SLX4IP: variants seen among roughly 807,000 people sequenced by gnomAD.
SLX4IP encodes protein SLX4IP.
A neutral mutation model predicts 32.9 loss-of-function variants in SLX4IP; 34 were observed. That is an observed-to-expected ratio of 1.03 (90% CI 0.79 to 1.38). SLX4IP has a LOEUF of 1.38. Ranked by LOEUF, SLX4IP falls within the 40% of genes most tolerant of loss-of-function variation. SLX4IP has a pLI of 0.00. For missense variants in SLX4IP, 444 were observed against 479.0 expected (o/e 0.93, Z 0.68); for synonymous variants, 172 against 171.7 (o/e 1.00, Z -0.01).
intron 2 of SLX4IP, among the ~76,000 whole-genome samples, chr20:10,498,988 T>C (rs1600932786): frequency 6.6e-6 from 1 of 152,280 alleles, no homozygotes; most frequent in Non-Finnish European, 1.5e-5. Context: ...AACTAAAATA[T>C]GTATATTTAC....
chr20:10,555,231 G>T (rs775020279), intron 2 of SLX4IP, among the ~76,000 whole-genome samples: 3 of 151,462 alleles, frequency 2.0e-5, no homozygotes, highest in Non-Finnish European at 2.9e-5. Flanking sequence ...AGCCAAGGAA[G>T]TGAAAAAACT....
At chr20:10,457,618 T>C (rs1396245416) in intron 1 of SLX4IP, among the ~76,000 whole-genome samples, 2 of 152,246 alleles carry the variant, frequency 1.3e-5, no homozygotes, top group East Asian at 3.9e-4. Flanking sequence ...TCTAGTATTT[T>C]GTTGAGAATT....
At chr20:10,512,554 C>T (rs958144645) in intron 2 of SLX4IP, among the ~76,000 whole-genome samples, 3 of 146,632 alleles carry the variant, frequency 2.0e-5, no homozygotes, top group Non-Finnish European at 4.5e-5. Context: ...CCCACCATCC[C>T]TGTCTAATTT....
chr20:10,487,718 G>A (rs771223596), intron 2 of SLX4IP, among the ~76,000 whole-genome samples: 1 of 152,156 alleles, frequency 6.6e-6, no homozygotes, highest in Non-Finnish European at 1.5e-5. Context: ...TGAGATGCTC[G>A]AGAGGGCGGT....
chr20:10,500,668 C>A (rs545018808), intron 2 of SLX4IP, among the ~76,000 whole-genome samples: 1 of 152,214 alleles, frequency 6.6e-6, no homozygotes, highest in Admixed American at 6.5e-5. Context: ...GGGAGGATTC[C>A]TTGAGCCCAG....
intron 1 of SLX4IP, among the ~76,000 whole-genome samples, chr20:10,444,796 T>C (rs1053277715): frequency 6.6e-6 from 1 of 152,114 alleles, no homozygotes; most frequent in Non-Finnish European, 1.5e-5. Flanking sequence ...TTCATGAGGA[T>C]GGAGCCCTCA....
chr20:10,612,235 C>T (rs1247204028), intron 6 of SLX4IP, among the ~76,000 whole-genome samples: 4 of 152,206 alleles, frequency 2.6e-5, no homozygotes, highest in Non-Finnish European at 5.9e-5. Context: ...TTGCTTCCTA[C>T]ACCTCACTGC....
At chr20:10,563,002 A>G (rs1210005936) in intron 4 of SLX4IP, among the ~76,000 whole-genome samples, 1 of 152,174 alleles carries the variant, frequency 6.6e-6, no homozygotes, top group East Asian at 1.9e-4. Flanking sequence ...GTTCTCCATA[A>G]TGGTTGTACT....
chr20:10,452,664 C>CAA (rs71332999), intron 1 of SLX4IP, among the ~76,000 whole-genome samples: 32 of 117,928 alleles, frequency 2.7e-4, no homozygotes, highest in East Asian at 1.6e-3. Context: ...GAAACTGTCT[C>CAA]AAAAAAAAAA....
intron 1 of SLX4IP, among the ~76,000 whole-genome samples, chr20:10,444,618 C>T (rs537307719): frequency 1.1e-4 from 16 of 152,144 alleles, no homozygotes; most frequent in Non-Finnish European, 1.8e-4. Flanking sequence ...CCTCGTGATC[C>T]GCCCGCCTCA....
At chr20:10,608,227 C>T (rs1481331131) in intron 6 of SLX4IP, among the ~76,000 whole-genome samples, 1 of 152,168 alleles carries the variant, frequency 6.6e-6, no homozygotes, top group African/African-American at 2.4e-5. Flanking sequence ...CACTGCCTCT[C>T]CCCTTATTCA....
intron 3 of SLX4IP, among the ~76,000 whole-genome samples, chr20:10,558,352 A>AG: frequency 6.6e-6 from 1 of 150,580 alleles, no homozygotes; most frequent in East Asian, 1.9e-4. Flanking sequence ...AAAAAAAAAA[A>AG]AAAAAAAAAA....
intron 2 of SLX4IP, among the ~76,000 whole-genome samples, chr20:10,538,889 C>G (rs1330370692): frequency 6.6e-6 from 1 of 152,184 alleles, no homozygotes; most frequent in Non-Finnish European, 1.5e-5. Context: ...GGTGCTGATT[C>G]ATGGCACACA....
intron 2 of SLX4IP, among the ~76,000 whole-genome samples, chr20:10,489,648 C>T (rs531428871): frequency 6.6e-6 from 1 of 152,218 alleles, no homozygotes; most frequent in South Asian, 2.1e-4. Flanking sequence ...CGTGCTAGCA[C>T]AAGAGTAAGG....
chr20:10,541,761 TGC>T (rs2066109886), intron 2 of SLX4IP, among the ~76,000 whole-genome samples: 1 of 152,222 alleles, frequency 6.6e-6, no homozygotes, highest in Non-Finnish European at 1.5e-5. Flanking sequence ...TTGTGGACAC[TGC>T]AGTCTGTTTT....
At chr20:10,553,700 C>T (rs528628781) in intron 2 of SLX4IP, among the ~76,000 whole-genome samples, 1 of 152,194 alleles carries the variant, frequency 6.6e-6, no homozygotes, top group African/African-American at 2.4e-5. Context: ...CACTTACTTA[C>T]ATTTCACAAA....
At chr20:10,483,351 G>A (rs147549840) in intron 2 of SLX4IP, among the ~76,000 whole-genome samples, 189 of 152,182 alleles carry the variant, frequency 1.2e-3, no homozygotes, top group African/African-American at 4.3e-3. Context: ...TGAACGCCTG[G>A]CCTCAAGTAA....
At chr20:10,528,870 G>A (rs1465433066) in intron 2 of SLX4IP, among the ~76,000 whole-genome samples, 2 of 152,186 alleles carry the variant, frequency 1.3e-5, no homozygotes, top group Admixed American at 6.5e-5. Context: ...GAACATAGAT[G>A]CAGACATTTC....
At chr20:10,474,927 G>T (rs979837215) in intron 2 of SLX4IP, among the ~76,000 whole-genome samples, 2 of 152,208 alleles carry the variant, frequency 1.3e-5, no homozygotes, top group African/African-American at 2.4e-5. Flanking sequence ...CAGGCCATGG[G>T]TGGTGAGAGA....
Sources: gnomAD v4.1 joint callset for allele counts (sites outside exome capture counted in the v4.1 genomes callset) on GRCh38, gnomAD v4.1.1 for gene constraint, MANE v1.5 for transcripts, NCBI Gene and HGNC (gene_info 2026-07-23, HGNC 2026-07-21) for gene names.